The following ESD variants were observed in gnomAD, a reference collection of about 807,000 sequenced individuals.
ESD encodes the protein S-formylglutathione hydrolase.
Under a neutral mutation model 38.1 loss-of-function variants are expected in ESD, and 34 were observed. The observed-to-expected ratio is 0.89, with a 90% CI of 0.68 to 1.19. ESD has a LOEUF of 1.19. Ranked by LOEUF, ESD falls within the 50% of genes most tolerant of loss-of-function variation. ESD has a pLI of 0.00. For missense variants in ESD, 334 were observed against 327.2 expected, an observed-to-expected ratio of 1.02 and a Z score of -0.16; for synonymous variants, 97 against 107.0, an observed-to-expected ratio of 0.91 and a Z score of 0.58.
upstream of ESD, among the ~76,000 whole-genome samples, chr13:46,797,623 GA>G (rs1679501325): frequency 6.6e-6 from 1 of 152,202 alleles, no homozygotes. Flanking sequence ...AGTTAAACAA[GA>G]AACCTTTGAA....
intron 1 of ESD, among the ~76,000 whole-genome samples, chr13:46,796,803 T>C (rs994766676): frequency 9.2e-5 from 14 of 152,252 alleles, no homozygotes; most frequent in Non-Finnish European, 1.5e-5. Context: ...AAAGTCTTTC[T>C]GAACAGGAAA....
At chr13:46,775,248 A>C (rs1874749434) in intron 9 of ESD, 1 of 151,984 alleles carries the variant, frequency 6.6e-6, no homozygotes, top group African/African-American at 2.4e-5. Flanking sequence ...ATAATAACCA[A>C]ATAAATATCC....
intron 7 of ESD, among the ~76,000 whole-genome samples, chr13:46,781,041 A>G (rs986803174): frequency 6.6e-6 from 1 of 151,696 alleles, no homozygotes; most frequent in Non-Finnish European, 1.5e-5. Context: ...CTGCATTTCA[A>G]TTTTCATTAG....
chr13:46,779,989 G>C lies in ESD; in HGVS notation c.546C>G (p.Pro182=). Residue 182 remains proline, a synonymous_variant, in exon 8 of 10, where the codon CCC becomes CCG. Coordinates refer to ENST00000378720, the MANE Select transcript of ESD (RefSeq NM_001984.2). ...ATCCACTAAAGGCTTTTTTGCCCCA[G>C]GGACAGAGTACAGGGTTGCAAATTG... The part of the protein sequence containing the change: ...FAPICNPVLC[P]WGKKAFSGYL... The C allele has an allele frequency of 6.2e-7, 1 of 1,604,704 alleles. No individual in the cohort carries two copies. Among genetic ancestry groups the C allele is most frequent in the Non-Finnish European group, 8.5e-7 (1 of 1,174,108 alleles).
chr13:46,772,167 AAT>A (rs1874629462), intron 9 of ESD, among the ~76,000 whole-genome samples: 1 of 152,218 alleles, frequency 6.6e-6, no homozygotes, highest in Non-Finnish European at 1.5e-5. Flanking sequence ...TGTGAGGGGA[AAT>A]ATGTCATTAA....
chr13:46,786,396 T>C (rs1406344009), intron 4 of ESD, among the ~76,000 whole-genome samples: 1 of 151,994 alleles, frequency 6.6e-6, no homozygotes, highest in Non-Finnish European at 1.5e-5. Flanking sequence ...ATTCTCTCCT[T>C]ATGTTTGCTT....
chr13:46,790,700 C>T (rs1448158697), intron 3 of ESD: 1 of 152,104 alleles, frequency 6.6e-6, no homozygotes, highest in African/African-American at 2.4e-5. Flanking sequence ...TTTTTCTAAG[C>T]TCAACTTTTA....
Position 46,779,974 on chromosome 13 carries a change from G to T in ESD, c.561C>A (p.Ala187=). The change falls in exon 8 of 10, where the codon GCC becomes GCA. Residue 187 remains alanine (A), a synonymous_variant. Transcript: ENST00000378720. ...GATCTGTTCCCAAATATCCACTAAA[G>T]GCTTTTTTGCCCCAGGGACAGAGTA... is the stretch of plus-strand genomic sequence containing the variant. ...NPVLCPWGKK[A]FSGYLGTDQS... 1.2e-6 allele frequency: 2 copies of T among 1,605,850 alleles called. No individual in the cohort carries two copies. The highest frequency in any genetic ancestry group is 1.7e-6 in the Non-Finnish European group (2 of 1,174,606).
intron 6 of ESD, among the ~76,000 whole-genome samples, chr13:46,781,914 T>A (rs1875016763): frequency 6.6e-6 from 1 of 151,820 alleles, no homozygotes; most frequent in Non-Finnish European, 1.5e-5. Context: ...GAATATATTC[T>A]AAGGAAAAGT....
intron 1 of ESD, among the ~76,000 whole-genome samples, chr13:46,794,128 A>G (rs933549571): frequency 6.8e-6 from 1 of 147,978 alleles, no homozygotes; most frequent in Admixed American, 6.9e-5. Flanking sequence ...ATACCAAAAA[A>G]CCAAACAACA....
chr13:46,793,518 A>G (rs1425312963), intron 1 of ESD, 74 bp from the exon 2 acceptor site: 1 of 152,558 alleles, frequency 6.6e-6, no homozygotes, highest in Non-Finnish European at 1.5e-5. Context: ...TTTTATATGC[A>G]TATGCATTCT....
At position 46,779,921 on chromosome 13, in the gene ESD, C is replaced by G; in HGVS notation, c.600+14G>C. 6.4e-7 allele frequency: 1 copy of G among 1,568,268 alleles called. No individual in the cohort carries two copies. Among genetic ancestry groups the G allele is most frequent in the Non-Finnish European group, 8.7e-7 (1 of 1,144,990 alleles). Reference sequence around the variant, plus strand: ...ACTTAAGAATGAGTATTAAGACAGCCATTCAGTACCTACCTTCCATTTACT... The same window carrying G: ...ACTTAAGAATGAGTATTAAGACAGCGATTCAGTACCTACCTTCCATTTACT... On this transcript the variant is annotated intron_variant, in intron 8 of 9. Transcript: ENST00000378720.
chr13:46,776,928 T>C (rs999628159), intron 9 of ESD: 3 of 152,042 alleles, frequency 2.0e-5, no homozygotes, highest in Non-Finnish European at 2.9e-5. Context: ...TCAAAAATAT[T>C]TTAGTTAAAA....
intron 3 of ESD, among the ~76,000 whole-genome samples, chr13:46,790,971 G>A (rs981831877): frequency 1.3e-5 from 2 of 152,134 alleles, no homozygotes; most frequent in African/African-American, 4.8e-5. Flanking sequence ...CAGAGTTTTG[G>A]AGGCAGCGGA....
Position 46,793,151 on chromosome 13 carries a change from AC to A in ESD, c.-8+245del, listed in dbSNP as rs1875455182. ...AGCTTTTAAAGTATTTTTTCTACCC[AC>A]CATTTTAGAAACTATCTTTAATTAC... On this transcript the variant is annotated intron_variant, in intron 2 of 9. Coordinates refer to ENST00000378720, the MANE Select transcript of ESD (RefSeq NM_001984.2). 2.0e-5 allele frequency among the ~76,000 whole-genome samples: 3 copies of A among 152,134 alleles called. 1 individual carries two copies. In the South Asian group the frequency reaches 6.2e-4, roughly 31 times the overall value.
At chr13:46,775,622 G>T (rs1189596769) in intron 9 of ESD, 4 of 470,554 alleles carry the variant, frequency 8.5e-6, no homozygotes, top group African/African-American at 2.0e-5. Context: ...TCATTCAGTT[G>T]TTGATTCAAT....
intron 4 of ESD, 126 bp downstream of exon 4, chr13:46,786,895 T>C (rs1022126534): frequency 4.4e-6 from 2 of 453,096 alleles, no homozygotes; most frequent in African/African-American, 2.0e-5. Context: ...GAGTAGACTA[T>C]GACAGGTCCT....
At chr13:46,790,611 A>AGAGT (rs1875363206) in intron 3 of ESD, 1 of 152,222 alleles carries the variant, frequency 6.6e-6, no homozygotes, top group Non-Finnish European at 1.5e-5. Context: ...AATCTTTCCC[A>AGAGT]GAGTTAGGAA....
chr13:46,775,288 T>C (rs1031944570), intron 9 of ESD: 6 of 152,236 alleles, frequency 3.9e-5, no homozygotes, highest in African/African-American at 1.5e-4. Flanking sequence ...CTCTAAAAAA[T>C]TTTTTTTGAC....
Sources: gnomAD v4.1 joint callset for allele counts (sites outside exome capture counted in the v4.1 genomes callset) on GRCh38, gnomAD v4.1.1 for gene constraint, MANE v1.5 for transcripts, NCBI Gene and HGNC (gene_info 2026-07-23, HGNC 2026-07-21) for gene names.